Variants in ZNF605 observed in about 807,000 individuals in gnomAD.
The protein encoded by ZNF605 is zinc finger protein 605.
ZNF605 carries 9 observed loss-of-function variants against 7.9 expected under a neutral mutation model. The ratio of observed to expected loss-of-function variants is 1.14; its 90% CI spans 0.68 to 1.98. ZNF605 has a LOEUF of 1.98. ZNF605 is among the 30% of genes most tolerant of loss of function. The probability of loss-of-function intolerance (pLI) is 0.00; values close to 1 mark genes in which losing one functional copy is unlikely to be tolerated. For synonymous variants in ZNF605, 255 were observed against 260.1 expected (o/e 0.98, Z 0.19); for missense variants, 673 against 762.4 (o/e 0.88, Z 1.38).
rs953929790 is a variant in ZNF605, at chr12:132,918,478, A to G, written c.*6895T>C. The G allele has an allele frequency of 3.9e-5, 6 of 152,272 alleles. No individual in the cohort carries two copies. Among genetic ancestry groups the G allele is most frequent in the African/African-American group, 1.4e-4 (6 of 41,474 alleles). 9.4% of individuals were successfully genotyped at this position (152,272 alleles called of 1,614,324 possible). A position where few individuals can be genotyped will look rare whatever the true frequency, so the allele number is the denominator to read the frequency against. On this transcript the variant is annotated 3_prime_UTR_variant, in exon 5 of 5. Transcript: ENST00000360187. ...CTGACCTCGCACAGCTGCCCATGCA[A>G]TGATGAGTGGATCAAACACTACGGC...
In ZNF605 at chr12:132,926,307, T is replaced by C. The variant is rs1394166434; in HGVS notation, c.992A>G (p.His331Arg). 6.8e-6 allele frequency: 11 copies of C among 1,614,050 alleles called. No homozygotes were observed. The highest frequency in any genetic ancestry group is 9.3e-6 in the Non-Finnish European group (11 of 1,180,034). ...ACATCCGTAAGGTTTCTTCCCTGTG[T>C]GGGTCCTCTGATGAGTAATCAGCTG... is the stretch of plus-strand genomic sequence containing the variant. ...KSQLITHQRTHTGKKPYGCGE... is the reference protein window; with the variant it reads ...KSQLITHQRTRTGKKPYGCGE... The change falls in exon 5 of 5, where the codon CAC (histidine) becomes CGC (arginine). Residue 331 changes from histidine to arginine, a missense_variant. By Grantham distance (29) the His-to-Arg change is conservative (BLOSUM62 0). Coordinates refer to ENST00000360187, the MANE Select transcript of ZNF605 (RefSeq NM_183238.4).
intron 1 of ZNF605, among the ~76,000 whole-genome samples, chr12:132,950,598 G>A (rs958581233): frequency 6.7e-5 from 10 of 148,816 alleles, no homozygotes; most frequent in African/African-American, 2.0e-4. Flanking sequence ...TGATGCACAC[G>A]TACACACACA....
At chr12:132,954,859 A>G (rs1005414104) in intron 1 of ZNF605, among the ~76,000 whole-genome samples, 1 of 152,026 alleles carries the variant, frequency 6.6e-6, no homozygotes, top group Non-Finnish European at 1.5e-5. Context: ...CAGGTCCACC[A>G]TTAACTTACA....
intron 3 of ZNF605, among the ~76,000 whole-genome samples, chr12:132,937,065 T>A (rs1358619774): frequency 1.3e-5 from 2 of 151,848 alleles, no homozygotes; most frequent in Non-Finnish European, 2.9e-5. Context: ...CCAAAGAAAA[T>A]ATATGGAAGG....
chr12:132,938,872 G>T (rs374184561), intron 3 of ZNF605, among the ~76,000 whole-genome samples: 4 of 152,144 alleles, frequency 2.6e-5, no homozygotes, highest in African/African-American at 4.8e-5. Flanking sequence ...TGCTGGCCCC[G>T]GGCAATGGGG....
chr12:132,938,871 C>G (rs1178946687), intron 3 of ZNF605, among the ~76,000 whole-genome samples: 1 of 152,008 alleles, frequency 6.6e-6, no homozygotes, highest in Non-Finnish European at 1.5e-5. Flanking sequence ...CTGCTGGCCC[C>G]GGGCAATGGG....
At chr12:132,939,051 C>A (rs1195773589) in intron 3 of ZNF605, among the ~76,000 whole-genome samples, 1 of 151,456 alleles carries the variant, frequency 6.6e-6, no homozygotes, top group South Asian at 2.1e-4. Context: ...TCCATGGGCT[C>A]CCATGCGGCC....
chr12:132,940,211 A>T (rs1293420052), intron 3 of ZNF605, among the ~76,000 whole-genome samples: 5 of 152,178 alleles, frequency 3.3e-5, no homozygotes, highest in African/African-American at 1.2e-4. Context: ...GAGAACAGAT[A>T]GTGGCGGCCA....
chr12:132,953,575 C>T (rs1266151920), intron 1 of ZNF605, among the ~76,000 whole-genome samples: 1 of 152,076 alleles, frequency 6.6e-6, no homozygotes, highest in Non-Finnish European at 1.5e-5. Context: ...TACAGGCGCC[C>T]ACCACCATGC....
At chr12:132,954,629 G>A (rs1334435955) in intron 1 of ZNF605, among the ~76,000 whole-genome samples, 1 of 151,124 alleles carries the variant, frequency 6.6e-6, no homozygotes, top group African/African-American at 2.4e-5. Flanking sequence ...TCAATGCCCA[G>A]GGATCCCTAA....
In ZNF605 at chr12:132,925,901, T is replaced by G; in HGVS notation, c.1398A>C (p.Ser466=). 1 of 1,614,132 alleles carries G rather than the reference T, an allele frequency of 6.2e-7. No homozygotes were observed. The highest frequency in any genetic ancestry group is 8.5e-7 in the Non-Finnish European group (1 of 1,179,998). Residue 466 remains serine (S), a synonymous_variant, in exon 5 of 5, where the codon TCA becomes TCC. Coordinates refer to ENST00000360187, the MANE Select transcript of ZNF605 (RefSeq NM_183238.4). The part of the protein sequence containing the change: ...KAFTQKSSLI[S]HQRTHTGEKP... The stretch of plus-strand genomic sequence containing the variant: ...TCTCACCTGTATGTGTTCTCTGATG[T>G]GATATCAGGCTTGACTTCTGGGTGA...
Position 132,923,825 on chromosome 12 carries a change from A to G in ZNF605, c.*1548T>C, listed in dbSNP as rs1372428525. The stretch of plus-strand genomic sequence containing the variant: ...TCCTTCTGGGACTCCAGTTAAACAT[A>G]TATTACACTACTGTAATGGTTTTCC... On this transcript the variant is annotated 3_prime_UTR_variant, in exon 5 of 5. Transcript: ENST00000360187. The G allele has an allele frequency of 6.6e-6, 1 of 152,152 alleles. No individual in the cohort carries two copies. Among genetic ancestry groups the G allele is most frequent in the Non-Finnish European group, 1.5e-5 (1 of 68,024 alleles). 9.4% of individuals were successfully genotyped at this position (152,152 alleles called of 1,614,324 possible).
At position 132,933,995 on chromosome 12, in the gene ZNF605, G is replaced by A. The variant is rs1347673314; in HGVS notation, c.16-840C>T. On this transcript the variant is annotated intron_variant, in intron 3 of 4. Transcript: ENST00000360187. This position sits in a 1 kb window ranked among gnomAD's most constrained non-coding sequence, Gnocchi z 4.4. ...TCACTGGCTGGGCACGGTGGCTTAT[G>A]CCTGTAATCCCAGCACTTTGGGAGG... Among the ~76,000 whole-genome samples the A allele has an allele frequency of 6.6e-6, 1 of 152,154 alleles. No individual in the cohort carries two copies. The highest frequency in any genetic ancestry group is 1.5e-5 in the Non-Finnish European group (1 of 68,024).
chr12:132,938,125 C>T (rs982067615), intron 3 of ZNF605, among the ~76,000 whole-genome samples: 1 of 151,752 alleles, frequency 6.6e-6, no homozygotes, highest in Non-Finnish European at 1.5e-5. Flanking sequence ...GGACTACAGG[C>T]GCCTGCCACT....
rs945219189 is a variant in ZNF605 at position 132,942,219 on chromosome 12, A to G, written c.15+3402T>C. Among the ~76,000 whole-genome samples, 1,328 of 152,262 alleles carry G rather than the reference A, an allele frequency of 8.7e-3. 65 individuals carry two copies. Among genetic ancestry groups the G allele is most frequent in the Non-Finnish European group, 2.2e-3 (152 of 68,016 alleles). ...GGCTCAGGGAAAGGGAAAAAATAAT[A>G]ATGATCTTTATTTTTCAGACCTGCT... On this transcript the variant is annotated intron_variant, in intron 3 of 4. Transcript: ENST00000360187.
rs1952205806 is a variant in ZNF605, at chr12:132,921,607, C to T, written c.*3766G>A. On this transcript the variant is annotated 3_prime_UTR_variant, in exon 5 of 5. Transcript: ENST00000360187. ...CAAGTTAATTCCTAAAAGATCAGAGCAGAGTGATACACAAGTTTATTAACA... is the reference window on the plus strand; with the variant it reads ...CAAGTTAATTCCTAAAAGATCAGAGTAGAGTGATACACAAGTTTATTAACA... 6.6e-6 allele frequency: 1 copy of T among 152,184 alleles called. No homozygotes were observed. The highest frequency in any genetic ancestry group is 2.1e-4 in the South Asian group (1 of 4,828). The allele number at this position is 152,184 out of a possible 1,614,324, so 9.4% of individuals were successfully genotyped here. A position where few individuals can be genotyped will look rare whatever the true frequency, so the allele number is the denominator to read the frequency against.
At position 132,933,490 on chromosome 12, in the gene ZNF605, C is replaced by A. The variant is rs1419017678; in HGVS notation, c.16-335G>T. Among the ~76,000 whole-genome samples, 1 of 152,196 alleles carries A rather than the reference C, an allele frequency of 6.6e-6. No homozygotes were observed. The highest frequency in any genetic ancestry group is 2.4e-5 in the African/African-American group (1 of 41,462). ...AAGCTCATGTGCCGTGGAACTGAGG[C>A]TTCCCAACAGCCACTGAGTGAGCCT... On this transcript the variant is annotated intron_variant, in intron 3 of 4. Transcript: ENST00000360187. This position sits in a 1 kb window ranked among gnomAD's most constrained non-coding sequence, Gnocchi z 4.4.
intron 1 of ZNF605, among the ~76,000 whole-genome samples, chr12:132,948,870 AG>A (rs1952525026): frequency 6.6e-6 from 1 of 152,050 alleles, no homozygotes; most frequent in African/African-American, 2.4e-5. Context: ...CACAGCCAGC[AG>A]CAGCCACACC....
chr12:132,932,865 T>C (rs1185556597), intron 4 of ZNF605, 170 bp downstream of exon 4: 8 of 1,393,766 alleles, frequency 5.7e-6, no homozygotes, highest in Non-Finnish European at 7.7e-6. Context: ...GTCTTAAATA[T>C]GTAGAATGTT....
Sources: allele counts gnomAD v4.1 joint callset (sites outside exome capture counted in the v4.1 genomes callset), GRCh38; gene constraint gnomAD v4.1.1; non-coding constraint Gnocchi (gnomAD v3.1); transcripts MANE v1.5; gene names NCBI Gene and HGNC (gene_info 2026-07-23, HGNC 2026-07-21).